NFIB: variants seen among roughly 807,000 people sequenced by gnomAD.
The protein encoded by NFIB is nuclear factor 1 B-type.
Under a neutral mutation model 61.5 loss-of-function variants are expected in NFIB, and 11 were observed. The ratio of observed to expected loss-of-function variants is 0.18; its 90% CI spans 0.11 to 0.30. NFIB has a LOEUF of 0.30. NFIB is among the 10% of genes least tolerant of loss of function. NFIB has a pLI of 1.00. For synonymous variants in NFIB, 260 were observed against 216.5 expected, an observed-to-expected ratio of 1.20 and a Z score of -1.76; for missense variants, 471 against 608.9, an observed-to-expected ratio of 0.77 and a Z score of 2.38.
the NFIB span, among the ~76,000 whole-genome samples, chr9:14,455,190 A>C: frequency 1.3e-5 from 2 of 152,228 alleles, no homozygotes; most frequent in Non-Finnish European, 2.9e-5. Context: ...ACAGGAATTT[A>C]AGGCATATGC....
At chr9:14,398,804 G>T in exon 1 of NFIB, 1 of 527,478 alleles carries the variant, frequency 1.9e-6, no homozygotes, top group Non-Finnish European at 3.3e-6. Flanking sequence ...ATGGAGCAGA[G>T]CAAGCTGTTA....
chr9:14,180,440 T>C (rs1268951659), intron 2 of NFIB, among the ~76,000 whole-genome samples: 1 of 152,176 alleles, frequency 6.6e-6, no homozygotes, highest in African/African-American at 2.4e-5. Context: ...TGGACAGACT[T>C]TGCAGGTAAG....
the NFIB span, among the ~76,000 whole-genome samples, chr9:14,442,827 C>T: frequency 1.3e-5 from 2 of 152,090 alleles, no homozygotes; most frequent in African/African-American, 4.8e-5. Flanking sequence ...AACCCATAAA[C>T]CATGAGCTGC....
chr9:14,289,125 T>C lies in NFIB; in HGVS notation c.562+17864A>G, dbSNP rs1271833267. Among the ~76,000 whole-genome samples, 137 of 144,118 alleles carry C rather than the reference T, an allele frequency of 9.5e-4. 3 individuals are homozygous for C. The highest frequency in any genetic ancestry group is 1.6e-3 in the Admixed American group (22 of 13,656). The allele number at this position is 144,118 out of a possible 152,430, so 94.5% of individuals were successfully genotyped here. Reference sequence around the variant, plus strand: ...GTGTGTATGTGTGTGTGTATATGTATATATATATATATATACATATATATA... The same window carrying C: ...GTGTGTATGTGTGTGTGTATATGTACATATATATATATATACATATATATA... On this transcript the variant is annotated intron_variant, in intron 2 of 10. Coordinates refer to ENST00000380953, the MANE Select transcript of NFIB (RefSeq NM_001190737.2).
chr9:14,297,613 C>A (rs1020705156), intron 2 of NFIB, among the ~76,000 whole-genome samples: 1 of 152,168 alleles, frequency 6.6e-6, no homozygotes, highest in Non-Finnish European at 1.5e-5. Flanking sequence ...GCTTTTTTCC[C>A]AGGTTCTAGC....
At chr9:14,425,211 G>A in the NFIB span, among the ~76,000 whole-genome samples, 2 of 152,184 alleles carry the variant, frequency 1.3e-5, no homozygotes, top group Non-Finnish European at 1.5e-5. Context: ...CCTTGCTTGA[G>A]GCCAGATAGG....
At chr9:14,111,341 G>C (rs550268049) in intron 10 of NFIB, among the ~76,000 whole-genome samples, 2 of 152,268 alleles carry the variant, frequency 1.3e-5, no homozygotes, top group Admixed American at 1.3e-4. Flanking sequence ...GCTGCCATAG[G>C]TTAGGGTAGT....
chr9:14,090,391 C>T (rs921461482), intron 10 of NFIB, among the ~76,000 whole-genome samples: 2 of 152,096 alleles, frequency 1.3e-5, no homozygotes, highest in Non-Finnish European at 2.9e-5. Context: ...TGATTGGGAA[C>T]AATGTTACAT....
chr9:14,133,639 C>A (rs2040663570), intron 6 of NFIB, among the ~76,000 whole-genome samples: 1 of 152,074 alleles, frequency 6.6e-6, no homozygotes, highest in African/African-American at 2.4e-5. Flanking sequence ...CTAAAAAGAC[C>A]ACAATTTCTC....
intron 10 of NFIB, among the ~76,000 whole-genome samples, chr9:14,090,768 C>T (rs2033777880): frequency 6.6e-6 from 1 of 151,928 alleles, no homozygotes; most frequent in African/African-American, 2.4e-5. Flanking sequence ...ATTAAGTGAG[C>T]TCAAGAAAGT....
At chr9:14,340,462 G>T (rs558014851) in intron 1 of NFIB, among the ~76,000 whole-genome samples, 1 of 152,206 alleles carries the variant, frequency 6.6e-6, no homozygotes, top group Non-Finnish European at 1.5e-5. Flanking sequence ...TTGAGGAGAA[G>T]CCCAGGCACT....
At chr9:14,111,473 G>A (rs546608261) in intron 10 of NFIB, among the ~76,000 whole-genome samples, 1 of 152,202 alleles carries the variant, frequency 6.6e-6, no homozygotes, top group Admixed American at 6.6e-5. Flanking sequence ...GGAAATTAGA[G>A]ATGTGTCATA....
chr9:14,531,707 AC>A, the NFIB span, among the ~76,000 whole-genome samples: 1 of 151,320 alleles, frequency 6.6e-6, no homozygotes, highest in African/African-American at 2.4e-5. Flanking sequence ...AAAAAAGGGA[AC>A]AAAAACTCAT....
intron 1 of NFIB, among the ~76,000 whole-genome samples, chr9:14,310,698 C>T (rs2060239246): frequency 6.6e-6 from 1 of 152,140 alleles, no homozygotes; most frequent in Non-Finnish European, 1.5e-5. Flanking sequence ...TAATAGGCAA[C>T]TTTGCTCTTT....
At chr9:14,207,704 C>T (rs1453908717) in intron 2 of NFIB, among the ~76,000 whole-genome samples, 2 of 152,192 alleles carry the variant, frequency 1.3e-5, no homozygotes, top group Non-Finnish European at 2.9e-5. Flanking sequence ...AGCCACATCT[C>T]GTAAATGAGA....
At chr9:14,130,569 C>T (rs536083908) in intron 6 of NFIB, among the ~76,000 whole-genome samples, 18 of 151,768 alleles carry the variant, frequency 1.2e-4, no homozygotes, top group South Asian at 8.3e-4. Context: ...GTATCCACTG[C>T]GTATGCTTTT....
rs148050178 is a variant in NFIB, at chr9:14,125,519, G to A, written c.1060+113C>T. On this transcript the variant is annotated intron_variant, in intron 7 of 10. Transcript: ENST00000380953. Reference sequence around the variant, plus strand: ...TCGGATTGTGCCCCTCACCATATGGGTTGAGAAAATATGGTTGCCATAGCT... The same window carrying A: ...TCGGATTGTGCCCCTCACCATATGGATTGAGAAAATATGGTTGCCATAGCT... The A allele has an allele frequency of 1.7e-5, 24 of 1,420,052 alleles. No individual in the cohort carries two copies. In the East Asian group the frequency reaches 5.3e-4, roughly 32 times the overall value. The allele number at this position is 1,420,052 out of a possible 1,614,324, so 88.0% of individuals were successfully genotyped here.
rs1196263649 is a variant in NFIB, at chr9:14,116,102, T to C, written c.1384+106A>G. 5 of 1,276,662 alleles carry C rather than the reference T, an allele frequency of 3.9e-6. No individual in the cohort carries two copies. The Admixed American group carries it at 1.9e-4, about 48-fold the overall frequency. 79.1% of individuals were successfully genotyped at this position (1,276,662 alleles called of 1,614,324 possible). On this transcript the variant is annotated intron_variant, in intron 9 of 10. Coordinates refer to ENST00000380953, the MANE Select transcript of NFIB (RefSeq NM_001190737.2). Reference sequence around the variant, plus strand: ...CCATCTGGTCAGGTAGCTGGAAAAATTGCCGTGTTTTCCACCTTGGATCAG... The same window carrying C: ...CCATCTGGTCAGGTAGCTGGAAAAACTGCCGTGTTTTCCACCTTGGATCAG...
At chr9:14,103,655 G>C (rs1221255657) in intron 10 of NFIB, among the ~76,000 whole-genome samples, 2 of 152,130 alleles carry the variant, frequency 1.3e-5, no homozygotes, top group African/African-American at 4.8e-5. Flanking sequence ...TAGTGATTCA[G>C]GAGTTTTAGA....
Sources: allele counts gnomAD v4.1 joint callset (sites outside exome capture counted in the v4.1 genomes callset), GRCh38; gene constraint gnomAD v4.1.1; transcripts MANE v1.5; gene names NCBI Gene and HGNC (gene_info 2026-07-23, HGNC 2026-07-21).